AKAP19: variants seen among roughly 807,000 people sequenced by gnomAD.
AKAP19 encodes A-kinase anchoring protein 19.
chr2:190,103,306 C>T, the AKAP19 span, among the ~76,000 whole-genome samples: 1 of 152,200 alleles, frequency 6.6e-6, no homozygotes, highest in Non-Finnish European at 1.5e-5. Flanking sequence ...ACTCTCACCA[C>T]TCCTACTCAA....
chr2:189,954,644 G>A, the AKAP19 span, among the ~76,000 whole-genome samples: 2 of 152,132 alleles, frequency 1.3e-5, no homozygotes, highest in African/African-American at 4.8e-5. Flanking sequence ...TTAAAACTAT[G>A]TTACAACTAA....
At chr2:190,044,876 C>T in the AKAP19 span, among the ~76,000 whole-genome samples, 2 of 152,152 alleles carry the variant, frequency 1.3e-5, no homozygotes, top group African/African-American at 2.4e-5. Context: ...CCCAAAGGCA[C>T]CTGTAGGAGG....
At chr2:189,965,427 C>T in the AKAP19 span, among the ~76,000 whole-genome samples, 1 of 152,004 alleles carries the variant, frequency 6.6e-6, no homozygotes, top group Non-Finnish European at 1.5e-5. Flanking sequence ...CCAGAATCTA[C>T]AAGGAACTCA....
chr2:190,036,138 A>G, the AKAP19 span, among the ~76,000 whole-genome samples: 11 of 152,328 alleles, frequency 7.2e-5, no homozygotes, highest in African/African-American at 2.6e-4. Context: ...TTTGATTTAA[A>G]GTACTTGGTG....
chr2:190,018,337 T>A, the AKAP19 span, among the ~76,000 whole-genome samples: 1 of 152,064 alleles, frequency 6.6e-6, no homozygotes, highest in Non-Finnish European at 1.5e-5. Context: ...CCTTCTTAAT[T>A]TTTTTTTCGT....
chr2:189,938,346 A>AT, the AKAP19 span, among the ~76,000 whole-genome samples: 1 of 152,058 alleles, frequency 6.6e-6, no homozygotes, highest in East Asian at 1.9e-4. Flanking sequence ...CAAAAAAAAA[A>AT]AAAAAAGAAA....
At chr2:189,984,230 G>T in the AKAP19 span, among the ~76,000 whole-genome samples, 11 of 152,154 alleles carry the variant, frequency 7.2e-5, no homozygotes, top group Admixed American at 7.2e-4. Flanking sequence ...CACTATGGGA[G>T]ACTGGAGTCT....
At chr2:189,910,839 T>C in the AKAP19 span, among the ~76,000 whole-genome samples, 1 of 152,078 alleles carries the variant, frequency 6.6e-6, no homozygotes, top group Non-Finnish European at 1.5e-5. Context: ...TTGTAACTTA[T>C]TACTTATACT....
chr2:190,069,503 A>G, the AKAP19 span, among the ~76,000 whole-genome samples: 1 of 152,140 alleles, frequency 6.6e-6, no homozygotes, highest in Non-Finnish European at 1.5e-5. Flanking sequence ...TAGTTGTAAA[A>G]CCATTTTTAG....
the AKAP19 span, among the ~76,000 whole-genome samples, chr2:189,953,912 G>C: frequency 6.6e-6 from 1 of 152,110 alleles, no homozygotes; most frequent in Non-Finnish European, 1.5e-5. Flanking sequence ...GATATTGATT[G>C]AATGAATGAA....
At chr2:190,180,913 G>A in the AKAP19 span, 9 of 985,216 alleles carry the variant, frequency 9.1e-6, no homozygotes, top group Non-Finnish European at 9.6e-6. This position sits in a 1 kb window ranked among gnomAD's most constrained non-coding sequence, Gnocchi z 6.8. Flanking sequence ...CGGCGCCGCT[G>A]CCCTGGCAGC....
At chr2:189,897,975 G>A in the AKAP19 span, among the ~76,000 whole-genome samples, 2 of 152,086 alleles carry the variant, frequency 1.3e-5, no homozygotes, top group Admixed American at 1.3e-4. Context: ...TTGGGAGGCT[G>A]AGACGGTGGA....
chr2:190,131,350 C>A, the AKAP19 span, among the ~76,000 whole-genome samples: 1 of 152,072 alleles, frequency 6.6e-6, no homozygotes, highest in Non-Finnish European at 1.5e-5. Flanking sequence ...ATTGATTATA[C>A]CTACGTGATG....
chr2:190,183,254 A>C, the AKAP19 span, among the ~76,000 whole-genome samples: 2 of 152,210 alleles, frequency 1.3e-5, no homozygotes, highest in Non-Finnish European at 2.9e-5. Flanking sequence ...GAAAGTGCCA[A>C]GTACGATAAT....
At chr2:190,096,567 G>A in the AKAP19 span, among the ~76,000 whole-genome samples, 1 of 152,130 alleles carries the variant, frequency 6.6e-6, no homozygotes, top group Non-Finnish European at 1.5e-5. Context: ...ATGGTGCTGG[G>A]CTTTTTTTGC....
chr2:190,169,726 ATGAC>A, the AKAP19 span, among the ~76,000 whole-genome samples: 17 of 152,318 alleles, frequency 1.1e-4, no homozygotes, highest in South Asian at 3.3e-3. Context: ...TCGGGTTAGC[ATGAC>A]TCCACATGGT....
At chr2:190,166,317 CTTTT>C in the AKAP19 span, among the ~76,000 whole-genome samples, 5 of 65,298 alleles carry the variant, frequency 7.7e-5, no homozygotes, top group Non-Finnish European at 1.3e-4. Flanking sequence ...AAAATCCACT[CTTTT>C]TTTTTTTTTT....
chr2:190,155,126 A>G, the AKAP19 span, among the ~76,000 whole-genome samples: 1 of 152,128 alleles, frequency 6.6e-6, no homozygotes, highest in Non-Finnish European at 1.5e-5. Flanking sequence ...GGAGGGGGAC[A>G]TTTTCTCTCC....
chr2:189,918,757 T>C, the AKAP19 span, among the ~76,000 whole-genome samples: 1 of 152,150 alleles, frequency 6.6e-6, no homozygotes, highest in Non-Finnish European at 1.5e-5. Context: ...AAACCTAAAT[T>C]TCTATCAATA....
Sources: gnomAD v4.1 joint callset for allele counts (sites outside exome capture counted in the v4.1 genomes callset) on GRCh38, gnomAD v4.1.1 for gene constraint, Gnocchi (gnomAD v3.1) non-coding constraint, MANE v1.5 for transcripts, NCBI Gene and HGNC (gene_info 2026-07-23, HGNC 2026-07-21) for gene names.